Variants in TMEFF2 observed in about 807,000 individuals in gnomAD.
TMEFF2 encodes the protein tomoregulin-2.
A neutral mutation model predicts 53.8 loss-of-function variants in TMEFF2; 28 were observed. That is an observed-to-expected ratio of 0.52 (90% CI 0.39 to 0.71). The LOEUF (loss-of-function observed/expected upper bound fraction) is 0.71. Ranked by LOEUF, TMEFF2 falls within the 30% of genes least tolerant of loss-of-function variation. The pLI is 0.00. For missense variants in TMEFF2, 353 were observed against 455.2 expected (o/e 0.78, Z 2.04); for synonymous variants, 162 against 166.3 (o/e 0.97, Z 0.20).
At chr2:192,119,330 T>C (rs1313448828) in intron 4 of TMEFF2, among the ~76,000 whole-genome samples, 1 of 152,240 alleles carries the variant, frequency 6.6e-6, no homozygotes, top group Non-Finnish European at 1.5e-5. Flanking sequence ...TTCTTTATCA[T>C]TGAAATTAAT....
chr2:192,091,872 C>T (rs183165450), intron 4 of TMEFF2, among the ~76,000 whole-genome samples: 32 of 152,226 alleles, frequency 2.1e-4, no homozygotes, highest in Non-Finnish European at 3.5e-4. Context: ...GGCAGTGACA[C>T]CTAGGTGCTG....
At chr2:192,088,370 G>A (rs1460653664) in intron 4 of TMEFF2, among the ~76,000 whole-genome samples, 1 of 151,976 alleles carries the variant, frequency 6.6e-6, no homozygotes, top group Admixed American at 6.6e-5. Context: ...AATAGCTGGG[G>A]AAATATGCGG....
In TMEFF2 at chr2:192,037,616, AAG is replaced by A. The variant is rs368130678; in HGVS notation, c.536+20061_536+20062del. On this transcript the variant is annotated intron_variant, in intron 5 of 9. Coordinates refer to ENST00000272771, the MANE Select transcript of TMEFF2 (RefSeq NM_016192.4). The stretch of plus-strand genomic sequence containing the variant: ...TGTGTTTGTGCGTGTGTGAGAGAGA[AAG>A]AGAGAGAGGAGAGAAAGAGAGAGAA... Among the ~76,000 whole-genome samples the A allele has an allele frequency of 1.5e-4, 16 of 107,626 alleles. No individual in the cohort carries two copies. The East Asian group carries it at 3.5e-3, about 23-fold the overall frequency. 70.6% of individuals were successfully genotyped at this position (107,626 alleles called of 152,430 possible).
Position 191,949,533 on chromosome 2 carries a change from G to A in TMEFF2, c.*778C>T. 1 of 985,310 alleles carries A rather than the reference G, an allele frequency of 1.0e-6. No homozygotes were observed. Among genetic ancestry groups the A allele is most frequent in the Middle Eastern group, 5.2e-4 (1 of 1,914 alleles). The allele number at this position is 985,310 out of a possible 1,614,324, so 61.0% of individuals were successfully genotyped here. The stretch of plus-strand genomic sequence containing the variant: ...CCCTGGTAATTCCACCCACCTAAAT[G>A]GAATATATTTTGCCACTCTGTGTAT... On this transcript the variant is annotated 3_prime_UTR_variant, in exon 10 of 10. Coordinates refer to ENST00000272771, the MANE Select transcript of TMEFF2 (RefSeq NM_016192.4).
intron 5 of TMEFF2, among the ~76,000 whole-genome samples, chr2:192,044,722 C>A (rs894963539): frequency 6.6e-6 from 1 of 152,106 alleles, no homozygotes; most frequent in African/African-American, 2.4e-5. Flanking sequence ...AATCACAGTG[C>A]GGATCCTTAG....
chr2:191,959,585 T>G (rs1692210897), intron 7 of TMEFF2, among the ~76,000 whole-genome samples: 1 of 150,890 alleles, frequency 6.6e-6, no homozygotes, highest in African/African-American at 2.4e-5. Flanking sequence ...AAGCCAGATT[T>G]AGCAGTTCAG....
chr2:191,978,264 C>T (rs573265576), intron 7 of TMEFF2, among the ~76,000 whole-genome samples: 14 of 152,094 alleles, frequency 9.2e-5, no homozygotes, highest in Non-Finnish European at 1.6e-4. Flanking sequence ...GGAAAGCGAT[C>T]GGCCAGCTTT....
At chr2:192,139,939 GTTCA>G (rs1690097401) in intron 4 of TMEFF2, among the ~76,000 whole-genome samples, 2 of 152,096 alleles carry the variant, frequency 1.3e-5, no homozygotes, top group Non-Finnish European at 2.9e-5. Context: ...GCTCCATTCA[GTTCA>G]ACACTTTTTT....
intron 4 of TMEFF2, among the ~76,000 whole-genome samples, chr2:192,146,356 GA>G (rs1690250600): frequency 6.6e-6 from 1 of 152,022 alleles, no homozygotes; most frequent in Non-Finnish European, 1.5e-5. Context: ...AATATGCCAG[GA>G]AATGGGTGTG....
At chr2:192,118,904 T>C (rs933550865) in intron 4 of TMEFF2, among the ~76,000 whole-genome samples, 1 of 152,136 alleles carries the variant, frequency 6.6e-6, no homozygotes, top group African/African-American at 2.4e-5. Context: ...TGTTATATAT[T>C]TTACCAAATT....
intron 3 of TMEFF2, among the ~76,000 whole-genome samples, chr2:192,182,470 T>C (rs1691210502): frequency 6.6e-6 from 1 of 151,974 alleles, no homozygotes; most frequent in African/African-American, 2.4e-5. Context: ...TAAAGATGGA[T>C]TACTCGATTG....
chr2:191,996,898 T>C (rs1268585046), intron 7 of TMEFF2, among the ~76,000 whole-genome samples: 1 of 151,942 alleles, frequency 6.6e-6, no homozygotes, highest in Non-Finnish European at 1.5e-5. Context: ...GCTTGAATGA[T>C]GAGTACTTGT....
intron 4 of TMEFF2, among the ~76,000 whole-genome samples, chr2:192,073,011 C>T (rs1688326621): frequency 6.6e-6 from 1 of 151,970 alleles, no homozygotes. Flanking sequence ...CCCACACTGC[C>T]TGACAAGCAG....
At chr2:191,959,871 A>G (rs1423357651) in intron 7 of TMEFF2, among the ~76,000 whole-genome samples, 1 of 152,096 alleles carries the variant, frequency 6.6e-6, no homozygotes, top group African/African-American at 2.4e-5. Flanking sequence ...AGTGCTCTCC[A>G]AGCTGGTGTG....
chr2:192,055,774 C>CAAAAA (rs71405038), intron 5 of TMEFF2, among the ~76,000 whole-genome samples: 106 of 42,434 alleles, frequency 2.5e-3, no homozygotes, highest in African/African-American at 4.5e-3. Flanking sequence ...GACTCCATCT[C>CAAAAA]AAAAAAAAAA....
intron 7 of TMEFF2, among the ~76,000 whole-genome samples, chr2:191,990,804 T>C (rs1331463627): frequency 6.6e-6 from 1 of 151,876 alleles, no homozygotes; most frequent in Non-Finnish European, 1.5e-5. Context: ...TATTGACATG[T>C]GAACATTAAC....
Position 192,184,359 on chromosome 2 carries a change from G to T in TMEFF2, c.407C>A (p.Ala136Asp), listed in dbSNP as rs1691260396. The T allele has an allele frequency of 6.2e-7, 1 of 1,612,938 alleles. No homozygotes were observed. Among genetic ancestry groups the T allele is most frequent in the Non-Finnish European group, 8.5e-7 (1 of 1,179,364 alleles). ...AAAGAAGATCACACACATACCTGTG[G>T]CACATGATCCTTCTGACACCACAAG... ...EILVVSEGSC[A>D]TDAGSGSGDG... The change falls in exon 3 of 10, where the codon GCC (alanine) becomes GAC (aspartate). Residue 136 changes from alanine (A) to aspartate (D), a missense_variant. Around this residue, in one of 3 missense-constraint regions of TMEFF2, gnomAD observed 294 missense variants for 397.3 expected, o/e 0.74. Coordinates refer to ENST00000272771, the MANE Select transcript of TMEFF2 (RefSeq NM_016192.4).
Position 192,194,921 on chromosome 2 carries a change from C to T in TMEFF2, c.-397G>A, listed in dbSNP as rs1401941761. 3 of 214,604 alleles carry T rather than the reference C, an allele frequency of 1.4e-5. No homozygotes were observed. Among genetic ancestry groups the T allele is most frequent in the Non-Finnish European group, 1.9e-5 (2 of 106,672 alleles). The allele number at this position is 214,604 out of a possible 1,614,324, so 13.3% of individuals were successfully genotyped here. A position where few individuals can be genotyped will look rare whatever the true frequency, so the allele number is the denominator to read the frequency against. On this transcript the variant is annotated 5_prime_UTR_variant, in exon 1 of 10. Coordinates refer to ENST00000272771, the MANE Select transcript of TMEFF2 (RefSeq NM_016192.4). The surrounding 1 kb of genome is among the most constrained non-coding windows in gnomAD (Gnocchi z 4.2). Reference sequence around the variant, plus strand: ...GGCAGCCGCCTCTCGAGCTCTGCCGCCCGCATCCCTCTGGCGTTTGGGAAG... The same window carrying T: ...GGCAGCCGCCTCTCGAGCTCTGCCGTCCGCATCCCTCTGGCGTTTGGGAAG...
At chr2:192,167,677 G>T (rs1690802651) in intron 4 of TMEFF2, among the ~76,000 whole-genome samples, 1 of 152,098 alleles carries the variant, frequency 6.6e-6, no homozygotes, top group African/African-American at 2.4e-5. Flanking sequence ...CATTGCTGAA[G>T]TTTCATGTGT....
Sources: gnomAD v4.1 joint callset for allele counts (sites outside exome capture counted in the v4.1 genomes callset) on GRCh38, gnomAD v4.1.1 for gene constraint, gnomAD v4.1.1 regional missense constraint, Gnocchi (gnomAD v3.1) non-coding constraint, MANE v1.5 for transcripts, NCBI Gene and HGNC (gene_info 2026-07-23, HGNC 2026-07-21) for gene names.